PTPRR: variants seen among roughly 807,000 people sequenced by gnomAD.
PTPRR encodes the protein receptor-type tyrosine-protein phosphatase R.
In PTPRR, 38 loss-of-function variants were observed where a neutral mutation model predicts 77.2. The ratio of observed to expected loss-of-function variants is 0.49; its 90% CI spans 0.38 to 0.65. The LOEUF (loss-of-function observed/expected upper bound fraction) is 0.65. PTPRR is among the 30% of genes least tolerant of loss of function. PTPRR has a pLI of 0.00. For synonymous variants in PTPRR, 299 were observed against 283.1 expected (o/e 1.06, Z -0.57); for missense variants, 744 against 799.2 (o/e 0.93, Z 0.83).
intron 2 of PTPRR, among the ~76,000 whole-genome samples, chr12:70,884,628 A>C (rs10879212): frequency 0.22 from 33,114 of 151,724 alleles, 4,740 homozygotes; most frequent in Admixed American, 0.4. Context: ...AGCACTTTGG[A>C]AGGCCGAGGC....
At chr12:70,858,485 C>G (rs1892691002) in intron 2 of PTPRR, among the ~76,000 whole-genome samples, 1 of 152,012 alleles carries the variant, frequency 6.6e-6, no homozygotes, top group South Asian at 2.1e-4. Flanking sequence ...TCTTGAAGGT[C>G]CTACCTCCCT....
At chr12:70,903,038 T>C (rs923889551) in intron 1 of PTPRR, among the ~76,000 whole-genome samples, 1 of 151,760 alleles carries the variant, frequency 6.6e-6, no homozygotes, top group African/African-American at 2.4e-5. Context: ...TATCATATGA[T>C]CTCACTTATA....
chr12:70,845,017 G>A (rs1486091672), intron 2 of PTPRR, among the ~76,000 whole-genome samples: 1 of 152,178 alleles, frequency 6.6e-6, no homozygotes, highest in Non-Finnish European at 1.5e-5. Context: ...ATTTATGTGG[G>A]CTGTTAGAAT....
At chr12:70,735,147 G>A (rs1889817856) in intron 6 of PTPRR, among the ~76,000 whole-genome samples, 1 of 152,174 alleles carries the variant, frequency 6.6e-6, no homozygotes, top group Non-Finnish European at 1.5e-5. Flanking sequence ...TGAAGGGCTT[G>A]TGCATGTTTC....
At chr12:70,757,828 A>G (rs74101584) in intron 4 of PTPRR, among the ~76,000 whole-genome samples, 3,749 of 152,320 alleles carry the variant, frequency 0.025, 143 homozygotes, top group African/African-American at 0.086. Context: ...TTAAAATGTG[A>G]AAAAATGGGT....
At chr12:70,723,217 G>C (rs1165452535) in intron 6 of PTPRR, among the ~76,000 whole-genome samples, 1 of 152,160 alleles carries the variant, frequency 6.6e-6, no homozygotes, top group East Asian at 1.9e-4. Context: ...TTAAAAACCA[G>C]TAGCAACTGC....
intron 2 of PTPRR, among the ~76,000 whole-genome samples, chr12:70,786,782 G>A (rs559205592): frequency 2.0e-5 from 3 of 152,282 alleles, no homozygotes; most frequent in Admixed American, 2.0e-4. Flanking sequence ...AAGAAACACG[G>A]TAAAATGAAA....
chr12:70,902,362 AAC>A (rs1302625644), intron 1 of PTPRR, among the ~76,000 whole-genome samples: 2 of 151,784 alleles, frequency 1.3e-5, no homozygotes, highest in East Asian at 3.9e-4. Context: ...GATACTTGCA[AAC>A]ACACGTTTAT....
chr12:70,728,474 A>G (rs2870864), intron 6 of PTPRR, among the ~76,000 whole-genome samples: 88,783 of 117,998 alleles, frequency 0.75, 31,712 homozygotes, highest in East Asian at 1. Flanking sequence ...ATATATGTGT[A>G]TATATATATA....
At chr12:70,793,819 T>C (rs780263443) in intron 2 of PTPRR, among the ~76,000 whole-genome samples, 3 of 152,220 alleles carry the variant, frequency 2.0e-5, no homozygotes, top group Non-Finnish European at 2.9e-5. Context: ...CTTCAGTTAA[T>C]AATGTAAAAA....
intron 13 of PTPRR, among the ~76,000 whole-genome samples, chr12:70,647,812 T>C (rs1186247741): frequency 6.6e-6 from 1 of 152,236 alleles, no homozygotes; most frequent in Non-Finnish European, 1.5e-5. Flanking sequence ...CTCCTGTTAA[T>C]AGGAAAATGT....
chr12:70,710,156 A>G (rs1888771823), intron 6 of PTPRR, among the ~76,000 whole-genome samples: 1 of 152,178 alleles, frequency 6.6e-6, no homozygotes, highest in Non-Finnish European at 1.5e-5. Flanking sequence ...AAACTATACT[A>G]CAGGGCTACA....
Position 70,661,260 on chromosome 12 carries a change from G to A in PTPRR, c.1609-163C>T. Reference sequence around the variant, plus strand: ...TTTGAAGAGTGCCCTTTTACTTTGAGAAGACTTTACTGTCAGTAACCTGTT... The same window carrying A: ...TTTGAAGAGTGCCCTTTTACTTTGAAAAGACTTTACTGTCAGTAACCTGTT... On this transcript the variant is annotated intron_variant, in intron 11 of 13. Transcript: ENST00000283228. 3 of 852,300 alleles carry A rather than the reference G, an allele frequency of 3.5e-6. No individual in the cohort carries two copies. In the South Asian group the frequency reaches 4.3e-5, roughly 12 times the overall value. 52.8% of individuals were successfully genotyped at this position (852,300 alleles called of 1,614,324 possible).
chr12:70,909,740 G>A (rs1461607076), intron 1 of PTPRR, among the ~76,000 whole-genome samples: 1 of 152,170 alleles, frequency 6.6e-6, no homozygotes, highest in Non-Finnish European at 1.5e-5. Flanking sequence ...TTTGTTGGAT[G>A]TTGTGGATTC....
intron 10 of PTPRR, among the ~76,000 whole-genome samples, chr12:70,678,237 C>T (rs1887522674): frequency 6.6e-6 from 1 of 152,184 alleles, no homozygotes; most frequent in Non-Finnish European, 1.5e-5. Context: ...GACAGGGTTT[C>T]ACCATGTTGG....
At chr12:70,723,361 C>CA (rs1185344670) in intron 6 of PTPRR, among the ~76,000 whole-genome samples, 1 of 151,804 alleles carries the variant, frequency 6.6e-6, no homozygotes, top group African/African-American at 2.4e-5. Context: ...CCCTTTTAAG[C>CA]TATTTTGTAT....
intron 1 of PTPRR, among the ~76,000 whole-genome samples, chr12:70,899,663 G>A (rs1361725894): frequency 6.6e-6 from 1 of 151,262 alleles, no homozygotes; most frequent in Non-Finnish European, 1.5e-5. Flanking sequence ...CAAGGACAAG[G>A]CACCCATACC....
chr12:70,884,230 G>A (rs1893197775), intron 2 of PTPRR, among the ~76,000 whole-genome samples: 1 of 152,162 alleles, frequency 6.6e-6, no homozygotes, highest in Non-Finnish European at 1.5e-5. Context: ...TTGCTAAGTG[G>A]TGCCAATCCC....
intron 6 of PTPRR, among the ~76,000 whole-genome samples, chr12:70,721,870 T>C (rs1027086495): frequency 6.6e-6 from 1 of 152,138 alleles, no homozygotes; most frequent in African/African-American, 2.4e-5. Flanking sequence ...GGCAGGTCAG[T>C]GAGGGCAGCA....
Sources: gnomAD v4.1 joint callset for allele counts (sites outside exome capture counted in the v4.1 genomes callset) on GRCh38, gnomAD v4.1.1 for gene constraint, MANE v1.5 for transcripts, NCBI Gene and HGNC (gene_info 2026-07-23, HGNC 2026-07-21) for gene names.